Variants in TMCC2 observed in about 807,000 individuals in gnomAD.
TMCC2 encodes the protein transmembrane and coiled-coil domains protein 2.
In TMCC2, 16 loss-of-function variants were observed where a neutral mutation model predicts 49.4. That is an observed-to-expected ratio of 0.32 (90% CI 0.22 to 0.49). The LOEUF (loss-of-function observed/expected upper bound fraction) is 0.49, where lower values mean the gene tolerates loss of function less well. TMCC2 is among the 20% of genes least tolerant of loss of function. The pLI is 0.99. For synonymous variants in TMCC2, 397 were observed against 434.1 expected (o/e 0.91, Z 1.06); for missense variants, 762 against 989.8 (o/e 0.77, Z 3.09).
chr1:205,271,402 C>T lies in TMCC2; in HGVS notation c.1818+147C>T, dbSNP rs377282622. 52 of 1,343,862 alleles carry T rather than the reference C, an allele frequency of 3.9e-5. No homozygotes were observed. In the East Asian group the frequency reaches 5.8e-4, roughly 15 times the overall value. The allele number at this position is 1,343,862 out of a possible 1,614,324, so 83.2% of individuals were successfully genotyped here. ...ATAGGCACATGGATGAAGAGGGCAG[C>T]GTAGCGGGAGCGGAGTGGAGTGAGC... On this transcript the variant is annotated intron_variant, in intron 4 of 4. Transcript: ENST00000358024.
intron 1 of TMCC2, among the ~76,000 whole-genome samples, chr1:205,230,997 T>TCCCCCCCCCC (rs57350842): frequency 1.9e-4 from 8 of 42,266 alleles, no homozygotes; most frequent in Admixed American, 3.0e-4. Flanking sequence ...CATCCCCCCA[T>TCCCCCCCCCC]CCCCCCCCCC....
chr1:205,268,821 G>A lies in TMCC2; in HGVS notation c.748-129G>A. On this transcript the variant is annotated intron_variant, in intron 2 of 4. Coordinates refer to ENST00000358024, the MANE Select transcript of TMCC2 (RefSeq NM_014858.4). ...AGTGGCTGTCAGGGATACTGCTCTT[G>A]TGGTGGTTGTCTTCTTTTGGACTCC... is the stretch of plus-strand genomic sequence containing the variant. 3.5e-6 allele frequency: 3 copies of A among 852,868 alleles called. No individual in the cohort carries two copies. The South Asian group carries it at 5.0e-5, about 14-fold the overall frequency. The allele number at this position is 852,868 out of a possible 1,614,324, so 52.8% of individuals were successfully genotyped here. A position where few individuals can be genotyped will look rare whatever the true frequency, so the allele number is the denominator to read the frequency against.
intron 2 of TMCC2, among the ~76,000 whole-genome samples, chr1:205,247,452 A>G (rs542648743): frequency 9.5e-4 from 145 of 152,266 alleles, no homozygotes; most frequent in African/African-American, 3.0e-3. Context: ...TCAGTTGCAT[A>G]GATTTCCTGA....
rs1661632291 is a variant in TMCC2, at chr1:205,272,268, T to A, written c.*144T>A. ...GCAGCTCCTGCCCCCTTCTCTGTACTTGCTTCTGTCTGACACCTTCTCCCT... is the reference window on the plus strand; with the variant it reads ...GCAGCTCCTGCCCCCTTCTCTGTACATGCTTCTGTCTGACACCTTCTCCCT... On this transcript the variant is annotated 3_prime_UTR_variant, in exon 5 of 5. Transcript: ENST00000358024. 4 of 1,418,898 alleles carry A rather than the reference T, an allele frequency of 2.8e-6. No individual in the cohort carries two copies. The highest frequency in any genetic ancestry group is 3.7e-6 in the Non-Finnish European group (4 of 1,079,628). 87.9% of individuals were successfully genotyped at this position (1,418,898 alleles called of 1,614,324 possible).
In TMCC2 at chr1:205,264,589, A is replaced by G. The variant is rs1194609807; in HGVS notation, c.748-4361A>G. Among the ~76,000 whole-genome samples the G allele has an allele frequency of 1.3e-5, 2 of 151,350 alleles. No homozygotes were observed. The highest frequency in any genetic ancestry group is 4.9e-5 in the African/African-American group (2 of 41,076). On this transcript the variant is annotated intron_variant, in intron 2 of 4. Transcript: ENST00000358024. The surrounding 1 kb of genome is among the most constrained non-coding windows in gnomAD (Gnocchi z 4.2). ...AAGCTCCGCCTCCCAGGTTCGCGCC[A>G]TTCTCCCGCCTCAGCCTCCCGAGTA...
chr1:205,245,388 A>G (rs1660417783), intron 2 of TMCC2, among the ~76,000 whole-genome samples: 1 of 152,182 alleles, frequency 6.6e-6, no homozygotes, highest in Non-Finnish European at 1.5e-5. Flanking sequence ...GAAAGAGAAG[A>G]CAGTTCAAGT....
chr1:205,240,051 G>C (rs1660205861), intron 1 of TMCC2, among the ~76,000 whole-genome samples: 1 of 152,184 alleles, frequency 6.6e-6, no homozygotes, highest in Non-Finnish European at 1.5e-5. Flanking sequence ...TAAGATTGTG[G>C]GTTGTTCCTC....
intron 1 of TMCC2, among the ~76,000 whole-genome samples, chr1:205,233,444 T>C (rs996445365): frequency 6.6e-6 from 1 of 152,172 alleles, no homozygotes. Context: ...GGAAAGATAA[T>C]TCGAAGCCAG....
At chr1:205,247,815 GC>G (rs988026164) in intron 2 of TMCC2, among the ~76,000 whole-genome samples, 1 of 152,190 alleles carries the variant, frequency 6.6e-6, no homozygotes, top group African/African-American at 2.4e-5. Flanking sequence ...GACCAGAGCA[GC>G]CCTGGCAGGG....
intron 2 of TMCC2, among the ~76,000 whole-genome samples, chr1:205,247,340 G>A (rs1660492214): frequency 2.6e-5 from 4 of 152,174 alleles, no homozygotes; most frequent in Non-Finnish European, 4.4e-5. Context: ...GAGAGGTGAC[G>A]TCACTGAACC....
intron 2 of TMCC2, among the ~76,000 whole-genome samples, chr1:205,249,386 G>A (rs940559912): frequency 6.6e-6 from 1 of 152,242 alleles, no homozygotes; most frequent in Non-Finnish European, 1.5e-5. Flanking sequence ...CCTGGCTCTT[G>A]CCAAGAAGAC....
chr1:205,235,274 C>T (rs1252189406), intron 1 of TMCC2, among the ~76,000 whole-genome samples: 3 of 152,020 alleles, frequency 2.0e-5, no homozygotes, highest in East Asian at 3.9e-4. Flanking sequence ...AAGCATGTGG[C>T]AAACGAAACT....
In TMCC2 at chr1:205,228,534, G is replaced by A. The variant is rs1325732295; in HGVS notation, c.-31G>A. ...CTTCCCCAAGACGGCGCGCTGGAAG[G>A]ACAGATTCCCCTTGCCGACCCACAT... On this transcript the variant is annotated 5_prime_UTR_variant, in exon 1 of 5. Transcript: ENST00000358024. 7.0e-6 allele frequency: 11 copies of A among 1,574,850 alleles called. No homozygotes were observed. In the Admixed American group the frequency reaches 1.8e-4, roughly 25 times the overall value.
chr1:205,262,629 G>A (rs902330901), intron 2 of TMCC2, among the ~76,000 whole-genome samples: 4 of 152,214 alleles, frequency 2.6e-5, no homozygotes, highest in African/African-American at 9.7e-5. Context: ...CCTTTCCTGG[G>A]TTTGGTCAGC....
intron 1 of TMCC2, among the ~76,000 whole-genome samples, chr1:205,235,668 C>G (rs755238170): frequency 1.4e-4 from 21 of 152,224 alleles, no homozygotes; most frequent in Non-Finnish European, 2.5e-4. Flanking sequence ...GAGGCCATAG[C>G]TGGACAGGGT....
intron 2 of TMCC2, among the ~76,000 whole-genome samples, chr1:205,247,182 A>ATACC (rs1660486830): frequency 6.6e-6 from 1 of 152,128 alleles, no homozygotes; most frequent in African/African-American, 2.4e-5. Context: ...TCTTTATAAC[A>ATACC]TACCTGTGAA....
intron 2 of TMCC2, chr1:205,246,798 C>T: frequency 8.2e-7 from 1 of 1,219,764 alleles, no homozygotes; most frequent in Non-Finnish European, 1.1e-6. Flanking sequence ...ACCTTGCTGT[C>T]TTTGGTTGCC....
chr1:205,261,629 C>T (rs759797890), intron 2 of TMCC2, among the ~76,000 whole-genome samples: 10 of 151,382 alleles, frequency 6.6e-5, no homozygotes, highest in African/African-American at 1.9e-4. Flanking sequence ...CAGTGATCCA[C>T]GATCATGCCA....
At position 205,228,862 on chromosome 1, in the gene TMCC2, G is replaced by C. The variant is rs922283125; in HGVS notation, c.207+91G>C. Reference sequence around the variant, plus strand: ...GTGCTTTAACAGGATAAAAGTGAGGGGGGAAGCCAGGCAAAGGTCAGAGAG... The same window carrying C: ...GTGCTTTAACAGGATAAAAGTGAGGCGGGAAGCCAGGCAAAGGTCAGAGAG... On this transcript the variant is annotated intron_variant, in intron 1 of 4. Transcript: ENST00000358024. The C allele has an allele frequency of 3.4e-6, 5 of 1,470,766 alleles. No homozygotes were observed. In the African/African-American group the frequency reaches 5.6e-5, roughly 17 times the overall value. The allele number at this position is 1,470,766 out of a possible 1,614,324, so 91.1% of individuals were successfully genotyped here.
Sources: allele counts gnomAD v4.1 joint callset (sites outside exome capture counted in the v4.1 genomes callset), GRCh38; gene constraint gnomAD v4.1.1; non-coding constraint Gnocchi (gnomAD v3.1); transcripts MANE v1.5; gene names NCBI Gene and HGNC (gene_info 2026-07-23, HGNC 2026-07-21).